Variants in GLI2 observed in about 807,000 individuals in gnomAD.
GLI2 encodes the protein GLI family zinc finger 2.
GLI2 carries 22 observed loss-of-function variants against 78.9 expected under a neutral mutation model. The observed-to-expected ratio is 0.28, with a 90% CI of 0.20 to 0.40. GLI2 has a LOEUF of 0.40. GLI2 is among the 10% of genes least tolerant of loss of function. The pLI is 1.00. For synonymous variants in GLI2, 974 were observed against 963.7 expected, an observed-to-expected ratio of 1.01 and a Z score of -0.20; for missense variants, 2,097 against 2,213.2, an observed-to-expected ratio of 0.95 and a Z score of 1.05.
At chr2:120,752,489 T>C (rs954389644) in intron 1 of GLI2, among the ~76,000 whole-genome samples, 2 of 152,154 alleles carry the variant, frequency 1.3e-5, no homozygotes, top group Non-Finnish European at 2.9e-5. Flanking sequence ...CAGGATAGTC[T>C]CAATCTCCTG....
chr2:120,805,646 T>C (rs1684914175), intron 2 of GLI2, among the ~76,000 whole-genome samples: 2 of 152,238 alleles, frequency 1.3e-5, no homozygotes, highest in African/African-American at 4.8e-5. Flanking sequence ...TTACTTGGAC[T>C]GGAAACCAAT....
intron 1 of GLI2, among the ~76,000 whole-genome samples, chr2:120,755,819 T>A (rs898014184): frequency 6.6e-6 from 1 of 152,170 alleles, no homozygotes; most frequent in Non-Finnish European, 1.5e-5. Flanking sequence ...CCAGCCCCAT[T>A]CGTTGAAAAG....
intron 3 of GLI2, among the ~76,000 whole-genome samples, chr2:120,947,445 C>T (rs149137175): frequency 3.9e-4 from 60 of 152,308 alleles, no homozygotes; most frequent in Non-Finnish European, 7.4e-4. Flanking sequence ...GGGGAGATAC[C>T]AGGTAAGAGC....
In GLI2 at chr2:120,761,155, G is replaced by T. The variant is rs1025857802; in HGVS notation, c.-31+24870G>T. Among the ~76,000 whole-genome samples, 8 of 152,194 alleles carry T rather than the reference G, an allele frequency of 5.3e-5. No homozygotes were observed. In the East Asian group the frequency reaches 1.5e-3, roughly 29 times the overall value. On this transcript the variant is annotated intron_variant, in intron 1 of 13. Coordinates refer to ENST00000361492, the MANE Select transcript of GLI2 (RefSeq NM_001374353.1). ...GGCAGGAAAAAGACAGGTGGCTAGG[G>T]ACGAAGATTACCTTGTTTACCAGAC...
intron 3 of GLI2, among the ~76,000 whole-genome samples, chr2:120,947,706 G>A (rs1680781465): frequency 6.6e-6 from 1 of 152,224 alleles, no homozygotes; most frequent in Non-Finnish European, 1.5e-5. Context: ...CCACCCTGGT[G>A]AGGCACCAGA....
At chr2:120,834,375 C>G (rs11122826) in intron 2 of GLI2, among the ~76,000 whole-genome samples, 1 of 152,068 alleles carries the variant, frequency 6.6e-6, no homozygotes, top group Non-Finnish European at 1.5e-5. Context: ...TTCTAGCAGT[C>G]TCTGGGCCAT....
chr2:120,778,807 T>C (rs1003299013), intron 1 of GLI2, among the ~76,000 whole-genome samples: 1 of 152,226 alleles, frequency 6.6e-6, no homozygotes, highest in Non-Finnish European at 1.5e-5. Context: ...CCAGGTTGGC[T>C]TGCAAATACA....
At position 120,990,714 on chromosome 2, in the gene GLI2, C is replaced by A; in HGVS notation, c.*39C>A. 1 of 1,529,778 alleles carries A rather than the reference C, an allele frequency of 6.5e-7. No individual in the cohort carries two copies. Among genetic ancestry groups the A allele is most frequent in the Non-Finnish European group, 9.0e-7 (1 of 1,116,488 alleles). 94.8% of individuals were successfully genotyped at this position (1,529,778 alleles called of 1,614,324 possible). A position where few individuals can be genotyped will look rare whatever the true frequency, so the allele number is the denominator to read the frequency against. ...TGGTGCTGAGTGCACCCGGAGGGGTCATCGCTGCCCAGAGCCTGGGGATTC... is the reference window on the plus strand; with the variant it reads ...TGGTGCTGAGTGCACCCGGAGGGGTAATCGCTGCCCAGAGCCTGGGGATTC... On this transcript the variant is annotated 3_prime_UTR_variant, in exon 14 of 14. Coordinates refer to ENST00000361492, the MANE Select transcript of GLI2 (RefSeq NM_001374353.1).
chr2:120,832,269 A>G (rs1410826378), intron 2 of GLI2, among the ~76,000 whole-genome samples: 1 of 152,164 alleles, frequency 6.6e-6, no homozygotes, highest in African/African-American at 2.4e-5. Flanking sequence ...GGGGTCAATG[A>G]CTTGAAAATG....
chr2:120,803,501 G>C (rs1684796648), intron 2 of GLI2, among the ~76,000 whole-genome samples: 1 of 152,200 alleles, frequency 6.6e-6, no homozygotes, highest in South Asian at 2.1e-4. Flanking sequence ...ACCCTTGCCT[G>C]CTGACCCGTT....
At chr2:120,865,545 A>G (rs966026029) in intron 2 of GLI2, among the ~76,000 whole-genome samples, 1 of 152,188 alleles carries the variant, frequency 6.6e-6, no homozygotes, top group Non-Finnish European at 1.5e-5. Context: ...CCTTGGAGGC[A>G]GTACCACCCA....
At chr2:120,739,414 C>G (rs1256742041) in intron 1 of GLI2, among the ~76,000 whole-genome samples, 1 of 152,154 alleles carries the variant, frequency 6.6e-6, no homozygotes, top group East Asian at 1.9e-4. Context: ...TTGTTAAAGC[C>G]TAGAATCGGA....
At chr2:120,754,715 G>C (rs1243585529) in intron 1 of GLI2, among the ~76,000 whole-genome samples, 4 of 152,166 alleles carry the variant, frequency 2.6e-5, no homozygotes, top group African/African-American at 9.7e-5. Context: ...TACAAGTGAG[G>C]TTGCTTTGAA....
chr2:120,829,995 G>T (rs1187839933), intron 2 of GLI2, among the ~76,000 whole-genome samples: 2 of 152,210 alleles, frequency 1.3e-5, no homozygotes, highest in African/African-American at 2.4e-5. Flanking sequence ...GTGCACGTGT[G>T]TGTAAAGTTT....
At chr2:120,966,792 T>C (rs1440664257) in intron 5 of GLI2, among the ~76,000 whole-genome samples, 3 of 151,756 alleles carry the variant, frequency 2.0e-5, no homozygotes, top group Non-Finnish European at 4.4e-5. Flanking sequence ...AGGTGTGGAG[T>C]GGGGGGCTCA....
rs953052295 is a variant in GLI2, at chr2:120,926,493, C to A, written c.149-868C>A. Reference sequence around the variant, plus strand: ...ACCCTGCTTCCCACTGGCCTGTGGCCTTCAGACTGAGGGAGAGTTGACTAA... The same window carrying A: ...ACCCTGCTTCCCACTGGCCTGTGGCATTCAGACTGAGGGAGAGTTGACTAA... On this transcript the variant is annotated intron_variant, in intron 2 of 13. Coordinates refer to ENST00000361492, the MANE Select transcript of GLI2 (RefSeq NM_001374353.1). Among the ~76,000 whole-genome samples the A allele has an allele frequency of 2.0e-5, 3 of 152,188 alleles. No homozygotes were observed. The South Asian group carries it at 6.2e-4, about 32-fold the overall frequency.
intron 1 of GLI2, among the ~76,000 whole-genome samples, chr2:120,754,943 CCG>C (rs1010930893): frequency 6.6e-6 from 1 of 151,956 alleles, no homozygotes; most frequent in Non-Finnish European, 1.5e-5. Context: ...GTCTCCGCCT[CCG>C]GGTGCAAAGG....
intron 2 of GLI2, among the ~76,000 whole-genome samples, chr2:120,921,739 C>T (rs925344207): frequency 1.3e-5 from 2 of 152,306 alleles, no homozygotes; most frequent in African/African-American, 4.8e-5. Context: ...AGGTGACTGC[C>T]TGCTCAGGAC....
chr2:120,917,206 C>T (rs1048861651), intron 2 of GLI2, among the ~76,000 whole-genome samples: 1 of 152,248 alleles, frequency 6.6e-6, no homozygotes, highest in Non-Finnish European at 1.5e-5. Flanking sequence ...TTTTTCATTT[C>T]ATAAGGTGTC....
Sources: gnomAD v4.1 joint callset for allele counts (sites outside exome capture counted in the v4.1 genomes callset) on GRCh38, gnomAD v4.1.1 for gene constraint, MANE v1.5 for transcripts, NCBI Gene and HGNC (gene_info 2026-07-23, HGNC 2026-07-21) for gene names.